The following CES5A variants were observed in gnomAD, a reference collection of about 807,000 sequenced individuals.
CES5A encodes carboxylesterase 5.
In CES5A, 67 loss-of-function variants were observed where a neutral mutation model predicts 62.9. The ratio of observed to expected loss-of-function variants is 1.07; its 90% CI spans 0.88 to 1.31. CES5A has a LOEUF of 1.31. Ranked by LOEUF, CES5A falls within the 50% of genes most tolerant of loss-of-function variation. The probability of loss-of-function intolerance (pLI) is 0.00; values close to 1 mark genes in which losing one functional copy is unlikely to be tolerated. For synonymous variants in CES5A, 296 were observed against 280.8 expected (o/e 1.05, Z -0.54); for missense variants, 748 against 708.5 (o/e 1.06, Z -0.63).
chr16:55,951,846 G>T (rs2034561048), intron 1 of CES5A, among the ~76,000 whole-genome samples: 1 of 152,150 alleles, frequency 6.6e-6, no homozygotes, highest in Admixed American at 6.5e-5. Flanking sequence ...TACAATCATG[G>T]TAAGAGACCT....
intron 1 of CES5A, among the ~76,000 whole-genome samples, chr16:55,900,440 G>A (rs1324169522): frequency 6.6e-6 from 1 of 152,132 alleles, no homozygotes; most frequent in South Asian, 2.1e-4. Context: ...CTTTCCTCTC[G>A]AGGAATAATA....
chr16:55,944,155 G>C, intron 2 of CES5A: 1 of 701,326 alleles, frequency 1.4e-6, no homozygotes, highest in Non-Finnish European at 2.6e-6. Flanking sequence ...TATGGGCTAA[G>C]AAATTGTATT....
chr16:55,852,052 G>C (rs2033143411), intron 10 of CES5A, among the ~76,000 whole-genome samples: 1 of 152,184 alleles, frequency 6.6e-6, no homozygotes. Context: ...CTGGGGGAAG[G>C]AAGGGTGGGG....
chr16:55,857,011 C>T (rs1228740217), intron 8 of CES5A, among the ~76,000 whole-genome samples: 13 of 152,190 alleles, frequency 8.5e-5, no homozygotes, highest in Non-Finnish European at 1.9e-4. Flanking sequence ...GCCTGAGAGG[C>T]CCCAACTTGG....
chr16:55,886,914 A>G (rs1167255487), intron 1 of CES5A, among the ~76,000 whole-genome samples: 6 of 152,110 alleles, frequency 3.9e-5, no homozygotes, highest in Non-Finnish European at 7.4e-5. Context: ...TTTGTGGTTA[A>G]GGATGGGTCT....
chr16:55,876,927 A>G (rs2033702426), upstream of CES5A, among the ~76,000 whole-genome samples: 2 of 152,156 alleles, frequency 1.3e-5, no homozygotes, highest in Non-Finnish European at 2.9e-5. Context: ...TGAAACCACA[A>G]CCTGGCCTGT....
At chr16:55,889,121 C>A (rs535912220) in intron 1 of CES5A, among the ~76,000 whole-genome samples, 3 of 151,120 alleles carry the variant, frequency 2.0e-5, no homozygotes, top group Non-Finnish European at 4.4e-5. Flanking sequence ...AAACTGGATA[C>A]GGGCCTAAGA....
chr16:55,915,586 T>C (rs1160782796), intron 1 of CES5A, among the ~76,000 whole-genome samples: 2 of 152,048 alleles, frequency 1.3e-5, no homozygotes, highest in African/African-American at 4.8e-5. Flanking sequence ...GCCTGGAATA[T>C]CTGATCATTG....
intron 3 of CES5A, among the ~76,000 whole-genome samples, chr16:55,871,269 A>C (rs1426501501): frequency 1.3e-5 from 2 of 152,220 alleles, no homozygotes; most frequent in African/African-American, 4.8e-5. Flanking sequence ...ATAAACAGAA[A>C]AGTTGGAGGA....
chr16:55,881,414 G>A (rs1050504121), intron 1 of CES5A, among the ~76,000 whole-genome samples: 2 of 152,220 alleles, frequency 1.3e-5, no homozygotes, highest in African/African-American at 2.4e-5. Flanking sequence ...TGGTAAGCCT[G>A]AGGGGTGGAG....
chr16:55,886,498 T>C (rs1334900541), intron 1 of CES5A, among the ~76,000 whole-genome samples: 1 of 152,198 alleles, frequency 6.6e-6, no homozygotes, highest in Non-Finnish European at 1.5e-5. Flanking sequence ...TCCTCAGCCA[T>C]GCAGTTCTTG....
intron 1 of CES5A, among the ~76,000 whole-genome samples, chr16:55,913,644 T>C (rs1425308514): frequency 6.6e-6 from 1 of 152,046 alleles, no homozygotes; most frequent in Admixed American, 6.5e-5. Context: ...CAAGATGGAG[T>C]CAGTTAGATC....
At chr16:55,913,621 T>G (rs1211514843) in intron 1 of CES5A, among the ~76,000 whole-genome samples, 1 of 152,166 alleles carries the variant, frequency 6.6e-6, no homozygotes, top group African/African-American at 2.4e-5. Flanking sequence ...AAGGACAGCT[T>G]AAAGGTTAGA....
chr16:55,898,196 C>T (rs2033953786), intron 1 of CES5A, among the ~76,000 whole-genome samples: 1 of 150,288 alleles, frequency 6.7e-6, no homozygotes, highest in Admixed American at 6.6e-5. Flanking sequence ...ATGCATGCTA[C>T]ACATTATACT....
At chr16:55,889,755 C>T (rs751232975) in intron 1 of CES5A, among the ~76,000 whole-genome samples, 41 of 152,118 alleles carry the variant, frequency 2.7e-4, no homozygotes, top group Non-Finnish European at 5.0e-4. Context: ...CTCCCTTACC[C>T]TCTAATCACA....
chr16:55,873,663 G>A (rs1459721527), intron 2 of CES5A, among the ~76,000 whole-genome samples, 170 bp downstream of exon 2: 1 of 152,162 alleles, frequency 6.6e-6, no homozygotes, highest in African/African-American at 2.4e-5. Flanking sequence ...CTGGCCATCA[G>A]CCAGTTTAGG....
At chr16:55,897,385 G>C (rs2033944885) in intron 1 of CES5A, among the ~76,000 whole-genome samples, 1 of 152,082 alleles carries the variant, frequency 6.6e-6, no homozygotes, top group Non-Finnish European at 1.5e-5. Flanking sequence ...ACAGAAGGGG[G>C]AAAAAGGGTT....
Position 55,846,625 on chromosome 16 carries a change from G to C in CES5A, c.1554C>G (p.Tyr518Ter). The C allele has an allele frequency of 6.2e-7, 1 of 1,614,114 alleles. No homozygotes were observed. Among genetic ancestry groups the C allele is most frequent in the East Asian group, 2.2e-5 (1 of 44,872 alleles). The change falls in exon 13 of 13, where the codon TAC (tyrosine) becomes TAG (stop). Residue 518 changes from tyrosine to a stop codon, truncating the protein, a stop_gained. Transcript: ENST00000290567. LOFTEE classifies it low-confidence loss of function (END_TRUNC). ...LWPAYNLTEQ[Y>*]LQLDLNMSLG... ...GGCTCATGTTCAAGTCCAGCTGGAG[G>C]TACTGCTCAGTCAGATTATAAGCTG...
intron 1 of CES5A, among the ~76,000 whole-genome samples, chr16:55,910,778 T>C (rs6499800): frequency 0.42 from 63,611 of 151,480 alleles, 14,416 homozygotes; most frequent in Non-Finnish European, 0.5. Context: ...TACATCCCCT[T>C]GGTGCCCCAT....
Sources: gnomAD v4.1 joint callset for allele counts (sites outside exome capture counted in the v4.1 genomes callset) on GRCh38, gnomAD v4.1.1 for gene constraint, MANE v1.5 for transcripts, NCBI Gene and HGNC (gene_info 2026-07-23, HGNC 2026-07-21) for gene names.